Variants in MATN1 observed in about 807,000 individuals in gnomAD.
MATN1 encodes matrilin 1, also known as matrilin-1.
Under a neutral mutation model 41.3 loss-of-function variants are expected in MATN1, and 34 were observed. That is an observed-to-expected ratio of 0.82 (90% CI 0.63 to 1.10). The LOEUF (loss-of-function observed/expected upper bound fraction) is 1.10, where lower values mean the gene tolerates loss of function less well. Ranked by LOEUF, MATN1 falls within the 50% of genes least tolerant of loss-of-function variation. The probability of loss-of-function intolerance (pLI) is 0.00; values close to 1 mark genes in which losing one functional copy is unlikely to be tolerated. For synonymous variants in MATN1, 264 were observed against 278.7 expected (o/e 0.95, Z 0.53); for missense variants, 602 against 662.4 (o/e 0.91, Z 1.00).
In MATN1 at chr1:30,719,039, G is replaced by T. The variant is rs1162037390; in HGVS notation, c.442-82C>A. ...GGAGAGGAGGCTGAGGCCCGGAGAG[G>T]CGGGAGGACTGCCGGGTCGCACAGC... is the stretch of plus-strand genomic sequence containing the variant. On this transcript the variant is annotated intron_variant, in intron 2 of 7. Transcript: ENST00000373765. The T allele has an allele frequency of 7.1e-6, 8 of 1,122,702 alleles. No individual in the cohort carries two copies. The African/African-American group carries it at 1.1e-4, about 16-fold the overall frequency. 69.5% of individuals were successfully genotyped at this position (1,122,702 alleles called of 1,614,324 possible).
chr1:30,718,019 T>C (rs1372468621), intron 3 of MATN1, among the ~76,000 whole-genome samples: 4 of 152,302 alleles, frequency 2.6e-5, no homozygotes, highest in Non-Finnish European at 4.4e-5. Context: ...CCTCCTCCGT[T>C]ATCAGGCTCC....
At chr1:30,715,102 C>T in intron 6 of MATN1, 55 bp downstream of exon 6, 1 of 1,596,536 alleles carries the variant, frequency 6.3e-7, no homozygotes, top group Admixed American at 1.7e-5. Flanking sequence ...GATGGCTCCA[C>T]CTCCACAGTG....
At position 30,716,151 on chromosome 1, in the gene MATN1, G is replaced by C; in HGVS notation, c.965C>G (p.Ser322Cys). Residue 322 changes from serine to cysteine, a missense_variant, in exon 5 of 8, where the codon TCT becomes TGT. By Grantham distance (112) the Ser-to-Cys change is moderately radical. Coordinates refer to ENST00000373765, the MANE Select transcript of MATN1 (RefSeq NM_002379.3). Reference sequence around the variant, plus strand: ...ACCCAGGGGGAACTCCTGGCGCACAGAGCTTGAGTACTGCACCAGCCCCAC... The same window carrying C: ...ACCCAGGGGGAACTCCTGGCGCACACAGCTTGAGTACTGCACCAGCCCCAC... ...AQVGLVQYSS[S>C]VRQEFPLGRF... The C allele has an allele frequency of 1.2e-6, 2 of 1,614,254 alleles. No homozygotes were observed. Among genetic ancestry groups the C allele is most frequent in the African/African-American group, 1.3e-5 (1 of 75,072 alleles).
rs1280028676 is a variant in MATN1 at position 30,715,897 on chromosome 1, G to A, written c.1207+12C>T. 6.2e-7 allele frequency: 1 copy of A among 1,606,996 alleles called. No individual in the cohort carries two copies. The highest frequency in any genetic ancestry group is 1.1e-5 in the South Asian group (1 of 90,276). On this transcript the variant is annotated intron_variant, in intron 5 of 7. Coordinates refer to ENST00000373765, the MANE Select transcript of MATN1 (RefSeq NM_002379.3). ...ATCAGTGGTGTCCAGGGTCCAGGCA[G>A]GCAACACCTACCGAGGTCTTTGGCC... is the stretch of plus-strand genomic sequence containing the variant.
rs751915676 is a variant in MATN1 at position 30,717,642 on chromosome 1, G to GTTTTTTTTTTTTTTTTT, written c.665-728_665-727insAAAAAAAAAAAAAAAAA. On this transcript the variant is annotated intron_variant, in intron 3 of 7. Transcript: ENST00000373765. ...GGCTCTGTTGTTTTTTGTGTGTGCG[G>GTTTTTTTTTTTTTTTTT]TTTTTTTTTTTGTTTTGTTTTTTTT... Among the ~76,000 whole-genome samples the GTTTTTTTTTTTTTTTTT allele has an allele frequency of 4.5e-5, 5 of 109,992 alleles. 1 individual carries two copies. Among genetic ancestry groups the GTTTTTTTTTTTTTTTTT allele is most frequent in the African/African-American group, 1.7e-4 (4 of 23,010 alleles). The allele number at this position is 109,992 out of a possible 152,430, so 72.2% of individuals were successfully genotyped here.
chr1:30,716,849 G>A lies in MATN1; in HGVS notation c.731C>T (p.Ser244Phe), dbSNP rs751169238. Residue 244 changes from serine (S) to phenylalanine (F), a missense_variant, in exon 4 of 8, where the codon TCC (serine) becomes TTC (phenylalanine). By Grantham distance (155) the Ser-to-Phe change is radical (BLOSUM62 -2). Coordinates refer to ENST00000373765, the MANE Select transcript of MATN1 (RefSeq NM_002379.3). Reference sequence around the variant, plus strand: ...GCCCTCGTGGCAGGCGCAGGTGTAGGAACCGGGGGAGCTGATGCACACCTG... The same window carrying A: ...GCCCTCGTGGCAGGCGCAGGTGTAGAAACCGGGGGAGCTGATGCACACCTG... ...CEQVCISSPG[S>F]YTCACHEGFT... 1.9e-6 allele frequency: 3 copies of A among 1,613,890 alleles called. No individual in the cohort carries two copies. The highest frequency in any genetic ancestry group is 1.1e-5 in the South Asian group (1 of 91,044).
chr1:30,714,187 G>A (rs2293627), intron 7 of MATN1, 60 bp downstream of exon 7: 25 of 1,244,222 alleles, frequency 2.0e-5, no homozygotes, highest in South Asian at 1.8e-4. Flanking sequence ...CCATGCCCCC[G>A]CCTCCCCCAA....
In MATN1 at chr1:30,715,856, G is replaced by A. The variant is rs578227603; in HGVS notation, c.1207+53C>T. On this transcript the variant is annotated intron_variant, in intron 5 of 7. Coordinates refer to ENST00000373765, the MANE Select transcript of MATN1 (RefSeq NM_002379.3). ...GATAAACTACAGTTGGGCTATACCC[G>A]TGTGTACCCCTGGCCATCAGTGGTG... 3.4e-5 allele frequency: 53 copies of A among 1,558,702 alleles called. No homozygotes were observed. The African/African-American group carries it at 4.7e-4, about 14-fold the overall frequency.
rs1639666125 is a variant in MATN1, at chr1:30,719,195, G to A, written c.442-238C>T. ...GGCAGGCAGCTCTGAGATGCCCGGA[G>A]GGATGTGATGCCCCATCGCCAAATT... is the stretch of plus-strand genomic sequence containing the variant. On this transcript the variant is annotated intron_variant, in intron 2 of 7. Transcript: ENST00000373765. 7 of 482,498 alleles carry A rather than the reference G, an allele frequency of 1.5e-5. No individual in the cohort carries two copies. In the South Asian group the frequency reaches 2.5e-4, roughly 17 times the overall value. The allele number at this position is 482,498 out of a possible 1,614,324, so 29.9% of individuals were successfully genotyped here. A position where few individuals can be genotyped will look rare whatever the true frequency, so the allele number is the denominator to read the frequency against.
At position 30,715,378 on chromosome 1, in the gene MATN1, G is replaced by A. The variant is rs927455842; in HGVS notation, c.1208-69C>T. The stretch of plus-strand genomic sequence containing the variant: ...GCAACCATATGGCTGAGCCTCCTGG[G>A]GAAGGCTTAGGCAGCCAACACCAGA... On this transcript the variant is annotated intron_variant, in intron 5 of 7. Transcript: ENST00000373765. The A allele has an allele frequency of 1.9e-6, 3 of 1,540,228 alleles. No individual in the cohort carries two copies. In the Admixed American group the frequency reaches 5.3e-5, roughly 27 times the overall value.
Position 30,718,820 on chromosome 1 carries a change from G to C in MATN1, c.579C>G (p.Ser193Arg), listed in dbSNP as rs1376361136. Residue 193 changes from serine to arginine, a missense_variant, in exon 3 of 8, where the codon AGC becomes AGG. Transcript: ENST00000373765. ...VDKATLRQIA[S>R]EPQDEHVDYV... ...AATCGACGTGTTCGTCCTGCGGCTC[G>C]CTGGCGATCTGCCGCAGCGTGGCCT... is the stretch of plus-strand genomic sequence containing the variant. 1.9e-6 allele frequency: 3 copies of C among 1,609,176 alleles called. No individual in the cohort carries two copies. Among genetic ancestry groups the C allele is most frequent in the South Asian group, 1.1e-5 (1 of 90,562 alleles).
Position 30,717,008 on chromosome 1 carries a change from C to T in MATN1, c.665-93G>A, listed in dbSNP as rs1026284759. ...CTCCCTGACTGTGGATACCAGGCCC[C>T]ATCCAGACTCAGGGAAACTAAGATC... On this transcript the variant is annotated intron_variant, in intron 3 of 7. Coordinates refer to ENST00000373765, the MANE Select transcript of MATN1 (RefSeq NM_002379.3). 8.8e-6 allele frequency: 12 copies of T among 1,362,088 alleles called. No individual in the cohort carries two copies. In the Admixed American group the frequency reaches 2.4e-4, roughly 28 times the overall value. The allele number at this position is 1,362,088 out of a possible 1,614,324, so 84.4% of individuals were successfully genotyped here. A position where few individuals can be genotyped will look rare whatever the true frequency, so the allele number is the denominator to read the frequency against.
rs1297948790 is a variant in MATN1, at chr1:30,715,442, G to A, written c.1208-133C>T. 3.9e-6 allele frequency: 3 copies of A among 770,026 alleles called. No homozygotes were observed. In the Admixed American group the frequency reaches 7.7e-5, roughly 20 times the overall value. The allele number at this position is 770,026 out of a possible 1,614,324, so 47.7% of individuals were successfully genotyped here. ...CAGCTGCTGGAATTGCAAGCACAATGCCTGGAACAAGGACAATGAGAAAAT... is the reference window on the plus strand; with the variant it reads ...CAGCTGCTGGAATTGCAAGCACAATACCTGGAACAAGGACAATGAGAAAAT... On this transcript the variant is annotated intron_variant, in intron 5 of 7. Coordinates refer to ENST00000373765, the MANE Select transcript of MATN1 (RefSeq NM_002379.3).
In MATN1 at chr1:30,712,661, A is replaced by T. The variant is rs1211456425; in HGVS notation, c.*921T>A. 3.3e-5 allele frequency: 5 copies of T among 152,040 alleles called. No individual in the cohort carries two copies. Among genetic ancestry groups the T allele is most frequent in the African/African-American group, 1.2e-4 (5 of 41,310 alleles). The allele number at this position is 152,040 out of a possible 1,614,324, so 9.4% of individuals were successfully genotyped here. Reference sequence around the variant, plus strand: ...TGACATGAGCACCCTGCTCAACTGTATGTCTCTTAGGGCAGGAACTACGTC... The same window carrying T: ...TGACATGAGCACCCTGCTCAACTGTTTGTCTCTTAGGGCAGGAACTACGTC... On this transcript the variant is annotated 3_prime_UTR_variant, in exon 8 of 8. Transcript: ENST00000373765.
chr1:30,723,393 G>A (rs924857401), intron 1 of MATN1, 65 bp downstream of exon 1: 2 of 1,248,986 alleles, frequency 1.6e-6, no homozygotes, highest in African/African-American at 1.6e-5. Flanking sequence ...TCGGTACCCA[G>A]CCCCCAGTGC....
At chr1:30,722,454 C>G (rs1314933147) in intron 1 of MATN1, among the ~76,000 whole-genome samples, 1 of 152,244 alleles carries the variant, frequency 6.6e-6, no homozygotes, top group African/African-American at 2.4e-5. Flanking sequence ...TCCAGAGACC[C>G]AAGAAGGCAG....
At position 30,718,915 on chromosome 1, in the gene MATN1, G is replaced by A; in HGVS notation, c.484C>T (p.Gln162Ter). 2 of 1,564,482 alleles carry A rather than the reference G, an allele frequency of 1.3e-6. No individual in the cohort carries two copies. The highest frequency in any genetic ancestry group is 1.7e-6 in the Non-Finnish European group (2 of 1,160,518). ...VTDGRPQDSV[Q>*]DVSARARASG... ...GCCCGGGCCCGCGCAGACACGTCCT[G>A]CACGCTGTCCTGGGGCCTCCCGTCT... The change falls in exon 3 of 8, where the codon CAG (glutamine) becomes TAG (stop). Residue 162 changes from glutamine to a stop codon, truncating the protein, a stop_gained. Coordinates refer to ENST00000373765, the MANE Select transcript of MATN1 (RefSeq NM_002379.3). LOFTEE classifies it high-confidence loss of function.
At chr1:30,722,633 A>G (rs1169057339) in intron 1 of MATN1, among the ~76,000 whole-genome samples, 1 of 152,224 alleles carries the variant, frequency 6.6e-6, no homozygotes. Context: ...CTGGGCCTGC[A>G]GTCAGGAAGG....
chr1:30,722,044 C>T (rs1235190402), intron 1 of MATN1, among the ~76,000 whole-genome samples: 1 of 151,740 alleles, frequency 6.6e-6, no homozygotes, highest in African/African-American at 2.4e-5. Context: ...GCTAGCAATC[C>T]CTCCTTACAG....
Sources: gnomAD v4.1 joint callset for allele counts (sites outside exome capture counted in the v4.1 genomes callset) on GRCh38, gnomAD v4.1.1 for gene constraint, MANE v1.5 for transcripts, NCBI Gene and HGNC (gene_info 2026-07-23, HGNC 2026-07-21) for gene names.